Variants in CDC123 observed in about 807,000 individuals in gnomAD.
CDC123 encodes translation initiation factor eIF2 assembly protein.
Under a neutral mutation model 54.4 loss-of-function variants are expected in CDC123, and 37 were observed. That is an observed-to-expected ratio of 0.68 (90% CI 0.52 to 0.89). CDC123 has a LOEUF of 0.89. Ranked by LOEUF, CDC123 falls within the 40% of genes least tolerant of loss-of-function variation. The pLI, the probability that CDC123 is intolerant of heterozygous loss-of-function variation, is 0.00. For missense variants in CDC123, 361 were observed against 412.1 expected (o/e 0.88, Z 1.07); for synonymous variants, 144 against 136.8 (o/e 1.05, Z -0.37).
intron 6 of CDC123, among the ~76,000 whole-genome samples, chr10:12,229,211 A>T (rs1021711786): frequency 1.3e-5 from 2 of 152,204 alleles, no homozygotes; most frequent in Admixed American, 6.5e-5. Flanking sequence ...CCATAGTGAT[A>T]TAGATGCGTT....
intron 7 of CDC123, among the ~76,000 whole-genome samples, chr10:12,233,142 C>T (rs951650203): frequency 6.6e-6 from 1 of 152,104 alleles, no homozygotes; most frequent in Admixed American, 6.6e-5. Context: ...TTTTGAAAGA[C>T]ACCATTATCA....
intron 5 of CDC123, among the ~76,000 whole-genome samples, chr10:12,216,036 C>A (rs1224969593): frequency 6.6e-6 from 1 of 152,136 alleles, no homozygotes; most frequent in South Asian, 2.1e-4. Flanking sequence ...ACTGTATATT[C>A]TGCCAAAAGG....
At chr10:12,214,665 T>C (rs891036563) in intron 4 of CDC123, among the ~76,000 whole-genome samples, 1 of 152,228 alleles carries the variant, frequency 6.6e-6, no homozygotes, top group Non-Finnish European at 1.5e-5. Context: ...AAAACTCATT[T>C]CTTTGGTCTT....
chr10:12,219,051 C>A (rs888852102), intron 6 of CDC123, among the ~76,000 whole-genome samples: 1 of 152,204 alleles, frequency 6.6e-6, no homozygotes, highest in African/African-American at 2.4e-5. Flanking sequence ...CATGCCACTT[C>A]CGCCCTGTCC....
intron 4 of CDC123, among the ~76,000 whole-genome samples, chr10:12,211,402 A>G (rs1349676088): frequency 2.0e-5 from 3 of 152,182 alleles, no homozygotes; most frequent in Non-Finnish European, 4.4e-5. Context: ...GATAGAAGAA[A>G]AAAAAAGAAG....
Position 12,224,467 on chromosome 10 carries a change from C to T in CDC123, c.441-6481C>T, listed in dbSNP as rs184301290. The stretch of plus-strand genomic sequence containing the variant: ...TTTTTTCTTTGGAATAAAATCTTTG[C>T]TATTATTATACCTGAGAATTCTTTT... On this transcript the variant is annotated intron_variant, in intron 6 of 12. Transcript: ENST00000281141. 2.5e-3 allele frequency among the ~76,000 whole-genome samples: 384 copies of T among 151,960 alleles called. 1 individual carries two copies. Among genetic ancestry groups the T allele is most frequent in the Middle Eastern group, 0.017 (5 of 294 alleles).
At position 12,237,218 on chromosome 10, in the gene CDC123, C is replaced by G. The variant is rs1198360091; in HGVS notation, c.640C>G (p.Gln214Glu). The G allele has an allele frequency of 1.3e-5, 20 of 1,589,482 alleles. No homozygotes were observed. The Admixed American group carries it at 3.7e-4, about 29-fold the overall frequency. ...AAAGGAAGAAATTCGCAGATGCATA[C>G]AAGACTTTTTCAAGAAACACATACA... ...KQKEEIRRCI[Q>E]DFFKKHIQYK... is the part of the protein sequence containing the mutation. Residue 214 changes from glutamine (Q) to glutamate (E), a missense_variant, in exon 9 of 13, where the codon CAA (glutamine) becomes GAA (glutamate). By Grantham distance (29) the Gln-to-Glu change is conservative (BLOSUM62 2). Transcript: ENST00000281141.
Position 12,210,025 on chromosome 10 carries a change from G to C in CDC123, c.204+1G>C. Reference sequence around the variant, plus strand: ...TGATGATGAAGCAGAAGAAATACAGGTTGGTACCAAATAAAATAATCTGTT... The same window carrying C: ...TGATGATGAAGCAGAAGAAATACAGCTTGGTACCAAATAAAATAATCTGTT... On this transcript the variant is annotated splice_donor_variant, in intron 3 of 12. Transcript: ENST00000281141. LOFTEE classifies it high-confidence loss of function. 1 of 1,613,814 alleles carries C rather than the reference G, an allele frequency of 6.2e-7. No individual in the cohort carries two copies. Among genetic ancestry groups the C allele is most frequent in the Non-Finnish European group, 8.5e-7 (1 of 1,179,744 alleles).
intron 6 of CDC123, 77 bp downstream of exon 6, chr10:12,217,544 T>C: frequency 7.0e-7 from 1 of 1,434,134 alleles, no homozygotes; most frequent in Non-Finnish European, 9.5e-7. Flanking sequence ...TTCCATTACT[T>C]ATAGTACTAT....
Position 12,225,437 on chromosome 10 carries a change from A to G in CDC123, c.441-5511A>G, listed in dbSNP as rs573187648. On this transcript the variant is annotated intron_variant, in intron 6 of 12. Coordinates refer to ENST00000281141, the MANE Select transcript of CDC123 (RefSeq NM_006023.3). ...ATAAAAGAAAAGAAAATATGTGTCT[A>G]GTCCCCATCTTGGACACTTTGGATT... 2.6e-5 allele frequency among the ~76,000 whole-genome samples: 4 copies of G among 152,324 alleles called. No individual in the cohort carries two copies. In the East Asian group the frequency reaches 7.7e-4, roughly 29 times the overall value.
At chr10:12,206,857 G>A (rs902248790) in intron 2 of CDC123, among the ~76,000 whole-genome samples, 2 of 151,648 alleles carry the variant, frequency 1.3e-5, no homozygotes, top group Non-Finnish European at 2.9e-5. Context: ...TACTCGGGAG[G>A]CTGAGGCAGG....
intron 5 of CDC123, among the ~76,000 whole-genome samples, chr10:12,216,057 GTCT>G (rs1835659445): frequency 6.6e-6 from 1 of 152,046 alleles, no homozygotes; most frequent in African/African-American, 2.4e-5. Context: ...TAGTTTCCAC[GTCT>G]TGTGTTGCTG....
chr10:12,197,848 C>CT (rs974170181), intron 1 of CDC123, among the ~76,000 whole-genome samples: 54 of 152,164 alleles, frequency 3.5e-4, no homozygotes, highest in African/African-American at 1.2e-3. Flanking sequence ...CATGAATACT[C>CT]TTTTTTGTGC....
intron 10 of CDC123, among the ~76,000 whole-genome samples, chr10:12,242,165 C>T (rs765590344): frequency 4.6e-5 from 7 of 152,218 alleles, no homozygotes; most frequent in African/African-American, 7.2e-5. Context: ...GCGGTCGTGG[C>T]GTGGCCTCTG....
intron 7 of CDC123, among the ~76,000 whole-genome samples, chr10:12,234,305 A>C (rs981257276): frequency 6.6e-6 from 1 of 152,158 alleles, no homozygotes; most frequent in Non-Finnish European, 1.5e-5. Flanking sequence ...GTTGGAGCGC[A>C]ATGGCGCGAT....
intron 10 of CDC123, among the ~76,000 whole-genome samples, chr10:12,240,269 G>A (rs1006939289): frequency 2.6e-5 from 4 of 152,162 alleles, no homozygotes; most frequent in African/African-American, 9.7e-5. Flanking sequence ...ACTAAATGCT[G>A]TTTGGTGCTG....
intron 6 of CDC123, among the ~76,000 whole-genome samples, chr10:12,221,086 T>C (rs1835729757): frequency 6.6e-6 from 1 of 151,194 alleles, no homozygotes; most frequent in Non-Finnish European, 1.5e-5. Flanking sequence ...TATAAATTTA[T>C]ATAACATAAA....
chr10:12,199,794 C>T (rs1588667727), intron 2 of CDC123, among the ~76,000 whole-genome samples: 1 of 152,052 alleles, frequency 6.6e-6, no homozygotes, highest in East Asian at 1.9e-4. Context: ...TAAGTCTCAA[C>T]TTTAGGATAT....
chr10:12,234,529 T>C (rs1364142728), intron 7 of CDC123, among the ~76,000 whole-genome samples: 3 of 152,132 alleles, frequency 2.0e-5, no homozygotes, highest in Non-Finnish European at 4.4e-5. Flanking sequence ...GGAATTACTT[T>C]ATTATTTGAT....
Sources: allele counts gnomAD v4.1 joint callset (sites outside exome capture counted in the v4.1 genomes callset), GRCh38; gene constraint gnomAD v4.1.1; transcripts MANE v1.5; gene names NCBI Gene and HGNC (gene_info 2026-07-23, HGNC 2026-07-21).